The following PDE5A variants were observed in gnomAD, a reference collection of about 807,000 sequenced individuals.
PDE5A encodes the protein phosphodiesterase 5A, also known as cGMP-specific 3',5'-cyclic phosphodiesterase.
PDE5A carries 67 observed loss-of-function variants against 110.2 expected under a neutral mutation model. The observed-to-expected ratio is 0.61, with a 90% confidence interval of 0.50 to 0.75. The LOEUF (loss-of-function observed/expected upper bound fraction) is 0.75. Among genes scored for constraint, PDE5A ranks in the 30% least tolerant of loss-of-function variants. PDE5A has a pLI of 0.00. For missense variants in PDE5A, 862 were observed against 1,045.1 expected, an observed-to-expected ratio of 0.82 and a Z score of 2.42; for synonymous variants, 328 against 351.2, an observed-to-expected ratio of 0.93 and a Z score of 0.74.
chr4:119,559,123 A>G (rs961876118), intron 7 of PDE5A, among the ~76,000 whole-genome samples: 5 of 152,178 alleles, frequency 3.3e-5, no homozygotes, highest in Non-Finnish European at 7.4e-5. Flanking sequence ...CATTAAATCA[A>G]TAAGTGGAAA....
Position 119,562,825 on chromosome 4 carries a change from G to A in PDE5A, c.1131+8C>T, listed in dbSNP as rs1208733585. 3 of 1,555,130 alleles carry A rather than the reference G, an allele frequency of 1.9e-6. No individual in the cohort carries two copies. In the African/African-American group the frequency reaches 4.2e-5, roughly 22 times the overall value. ...TCTAAAAATAAAAAAGTCATACTCT[G>A]TACTCACGGAGCAATCTTCATCCAC... On this transcript the variant is annotated splice_region_variant and intron_variant, in intron 6 of 20. Coordinates refer to ENST00000354960, the MANE Select transcript of PDE5A (RefSeq NM_001083.4).
rs1317897178 is a variant in PDE5A, at chr4:119,495,311, A to G, written c.*3290T>C. Reference sequence around the variant, plus strand: ...AGCACGGTACCTAACATGTGGCAGGACTCAATAAAAGGTGGGTCAGTGTAT... The same window carrying G: ...AGCACGGTACCTAACATGTGGCAGGGCTCAATAAAAGGTGGGTCAGTGTAT... On this transcript the variant is annotated 3_prime_UTR_variant, in exon 21 of 21. Coordinates refer to ENST00000354960, the MANE Select transcript of PDE5A (RefSeq NM_001083.4). 1.3e-5 allele frequency: 2 copies of G among 152,104 alleles called. No individual in the cohort carries two copies. The highest frequency in any genetic ancestry group is 3.9e-4 in the East Asian group (2 of 5,182). The allele number at this position is 152,104 out of a possible 1,614,324, so 9.4% of individuals were successfully genotyped here.
At chr4:119,505,732 G>T in intron 17 of PDE5A, 123 bp downstream of exon 17, 1 of 615,228 alleles carries the variant, frequency 1.6e-6, no homozygotes, top group Non-Finnish European at 2.9e-6. Flanking sequence ...GGAGAAATCT[G>T]ACCGCTTTTA....
chr4:119,600,198 A>AT (rs1331979175), intron 2 of PDE5A, among the ~76,000 whole-genome samples: 3 of 151,836 alleles, frequency 2.0e-5, no homozygotes, highest in Middle Eastern at 3.4e-3. Context: ...ATATATATAT[A>AT]AAAAGAGTAA....
intron 11 of PDE5A, among the ~76,000 whole-genome samples, chr4:119,535,755 C>T (rs532867785): frequency 6.6e-5 from 10 of 152,254 alleles, no homozygotes; most frequent in Non-Finnish European, 1.3e-4. Context: ...ATTTCCTATC[C>T]ACTAATTACT....
chr4:119,513,170 A>G (rs1725806084), intron 14 of PDE5A, among the ~76,000 whole-genome samples: 2 of 152,020 alleles, frequency 1.3e-5, no homozygotes, highest in South Asian at 4.2e-4. Context: ...TATCTTTAAT[A>G]CCTCTCACTT....
chr4:119,522,338 T>A (rs372799942), intron 12 of PDE5A, among the ~76,000 whole-genome samples: 4 of 152,180 alleles, frequency 2.6e-5, no homozygotes, highest in South Asian at 4.1e-4. Context: ...TTTTCATATC[T>A]GAATAGAGTC....
chr4:119,505,337 A>G (rs1183198999), intron 17 of PDE5A, among the ~76,000 whole-genome samples: 1 of 151,872 alleles, frequency 6.6e-6, no homozygotes, highest in East Asian at 1.9e-4. Flanking sequence ...TATCTTTATT[A>G]TACACTATAT....
Position 119,507,597 on chromosome 4 carries a change from AACTT to A in PDE5A, c.2189+3_2189+6del. Reference sequence around the variant, plus strand: ...ACCTATTTCTCAGGTTATTTCTTAAAACTTACTTAATGTACAGTGCTAGGTCTGT... The same window carrying A: ...ACCTATTTCTCAGGTTATTTCTTAAAACTTAATGTACAGTGCTAGGTCTGT... On this transcript the variant is annotated splice_donor_5th_base_variant and intron_variant, in intron 16 of 20. Coordinates refer to ENST00000354960, the MANE Select transcript of PDE5A (RefSeq NM_001083.4). The A allele has an allele frequency of 2.2e-5, 33 of 1,516,708 alleles. No homozygotes were observed. Among genetic ancestry groups the A allele is most frequent in the African/African-American group, 2.9e-5 (2 of 69,850 alleles). The allele number at this position is 1,516,708 out of a possible 1,614,324, so 94.0% of individuals were successfully genotyped here.
intron 7 of PDE5A, among the ~76,000 whole-genome samples, chr4:119,557,632 G>A (rs1303168228): frequency 6.6e-6 from 1 of 152,076 alleles, no homozygotes; most frequent in Non-Finnish European, 1.5e-5. Context: ...CTTACTGAAT[G>A]CCAGAAATTT....
chr4:119,598,789 C>G (rs551218308), intron 2 of PDE5A, among the ~76,000 whole-genome samples: 1 of 152,158 alleles, frequency 6.6e-6, no homozygotes, highest in Non-Finnish European at 1.5e-5. Context: ...TTGAATGGAG[C>G]TCCAAACTTC....
chr4:119,507,521 A>C, intron 16 of PDE5A, 83 bp downstream of exon 16: 1 of 927,726 alleles, frequency 1.1e-6, no homozygotes, highest in Non-Finnish European at 1.6e-6. Context: ...TCTGCTTTGA[A>C]ATTTCTCAAT....
intron 2 of PDE5A, 46 bp from the exon 3 acceptor site, chr4:119,596,658 G>C (rs764063955): frequency 1.5e-5 from 16 of 1,056,524 alleles, no homozygotes; most frequent in Middle Eastern, 2.1e-4. Flanking sequence ...CCTGTTCAAA[G>C]ATTGATTTGA....
intron 3 of PDE5A, among the ~76,000 whole-genome samples, chr4:119,588,826 C>T (rs12331661): frequency 0.015 from 2,304 of 152,130 alleles, 60 homozygotes; most frequent in African/African-American, 0.052. Flanking sequence ...GGAAGATATA[C>T]GCTAAAATGC....
At position 119,627,232 on chromosome 4, in the gene PDE5A, C is replaced by T. The variant is rs200374346; in HGVS notation, c.152+1288G>A. Reference sequence around the variant, plus strand: ...GCCGATCCTGGACTCCAGGAGGCTCCGTAGGGGCAACAACGCGCGCAGGTG... The same window carrying T: ...GCCGATCCTGGACTCCAGGAGGCTCTGTAGGGGCAACAACGCGCGCAGGTG... On this transcript the variant is annotated intron_variant, in intron 1 of 20. Coordinates refer to ENST00000354960, the MANE Select transcript of PDE5A (RefSeq NM_001083.4). This position sits in a 1 kb window ranked among gnomAD's most constrained non-coding sequence, Gnocchi z 4.6. The T allele has an allele frequency of 2.0e-5, 32 of 1,607,992 alleles. No homozygotes were observed. Among genetic ancestry groups the T allele is most frequent in the Non-Finnish European group, 2.6e-5 (31 of 1,176,906 alleles).
intron 2 of PDE5A, among the ~76,000 whole-genome samples, chr4:119,598,115 A>C (rs1217552996): frequency 6.6e-6 from 1 of 152,182 alleles, no homozygotes; most frequent in Non-Finnish European, 1.5e-5. Context: ...ACCAATAAGT[A>C]AAACATGAAT....
intron 8 of PDE5A, among the ~76,000 whole-genome samples, chr4:119,552,974 G>A (rs1727411161): frequency 6.6e-6 from 1 of 152,014 alleles, no homozygotes; most frequent in Non-Finnish European, 1.5e-5. Flanking sequence ...AATTTAACGA[G>A]AGGGGCAGAA....
chr4:119,513,312 A>C (rs1045202413), intron 14 of PDE5A, among the ~76,000 whole-genome samples: 2 of 152,140 alleles, frequency 1.3e-5, no homozygotes, highest in Non-Finnish European at 2.9e-5. Context: ...ACAAAGACCT[A>C]GGGACAACTG....
chr4:119,611,760 GGAAA>G (rs1225627835), intron 1 of PDE5A, among the ~76,000 whole-genome samples: 1 of 152,162 alleles, frequency 6.6e-6, no homozygotes, highest in Admixed American at 6.5e-5. Context: ...CCAGTGGTAG[GGAAA>G]GAGAGTTCTC....
Sources: gnomAD v4.1 joint callset for allele counts (sites outside exome capture counted in the v4.1 genomes callset) on GRCh38, gnomAD v4.1.1 for gene constraint, Gnocchi (gnomAD v3.1) non-coding constraint, MANE v1.5 for transcripts, NCBI Gene and HGNC (gene_info 2026-07-23, HGNC 2026-07-21) for gene names.